The following RAD51B variants were observed in gnomAD, a reference collection of about 807,000 sequenced individuals.
The protein encoded by RAD51B is RAD51 paralog B.
RAD51B carries 38 observed loss-of-function variants against 42.2 expected under a neutral mutation model. The observed-to-expected ratio is 0.90, with a 90% CI of 0.70 to 1.18. The LOEUF (loss-of-function observed/expected upper bound fraction) is 1.18, where lower values mean the gene tolerates loss of function less well. Among genes scored for constraint, RAD51B ranks in the 50% most tolerant of loss-of-function variants. RAD51B has a pLI of 0.00. For missense variants in RAD51B, 373 were observed against 400.7 expected, an observed-to-expected ratio of 0.93 and a Z score of 0.59; for synonymous variants, 154 against 145.2, an observed-to-expected ratio of 1.06 and a Z score of -0.43.
At chr14:67,856,288 T>C (rs942954811) in intron 4 of RAD51B, among the ~76,000 whole-genome samples, 4 of 151,914 alleles carry the variant, frequency 2.6e-5, no homozygotes, top group African/African-American at 9.7e-5. Flanking sequence ...CACATGTTGG[T>C]GTAAAGTAAT....
At chr14:68,362,665 GGGT>G (rs1468067909) in intron 8 of RAD51B, among the ~76,000 whole-genome samples, 3 of 151,928 alleles carry the variant, frequency 2.0e-5, no homozygotes, top group Admixed American at 1.3e-4. Flanking sequence ...CTGGCTAACA[GGGT>G]GAAACCCCGT....
chr14:68,665,827 T>A (rs1893022158), intron 11 of RAD51B, among the ~76,000 whole-genome samples: 1 of 152,196 alleles, frequency 6.6e-6, no homozygotes, highest in South Asian at 2.1e-4. Flanking sequence ...TCCCACACCA[T>A]GCCCTGCTCT....
intron 8 of RAD51B, among the ~76,000 whole-genome samples, chr14:68,354,224 T>TG (rs1257955342): frequency 2.0e-5 from 3 of 146,918 alleles, no homozygotes; most frequent in African/African-American, 7.6e-5. Flanking sequence ...TGGTTTTTTT[T>TG]TTTTTTTTTT....
chr14:68,266,094 T>G (rs1262647731), intron 7 of RAD51B, among the ~76,000 whole-genome samples: 1 of 152,228 alleles, frequency 6.6e-6, no homozygotes, highest in Non-Finnish European at 1.5e-5. Context: ...GTTTGCACTG[T>G]TGGGGGTAGG....
chr14:68,619,595 G>C (rs1340038301), intron 10 of RAD51B, among the ~76,000 whole-genome samples: 1 of 152,182 alleles, frequency 6.6e-6, no homozygotes, highest in South Asian at 2.1e-4. Flanking sequence ...CCTCCCCCAG[G>C]CTGAAGCACA....
At chr14:67,964,283 G>A (rs979452708) in intron 7 of RAD51B, among the ~76,000 whole-genome samples, 4 of 152,098 alleles carry the variant, frequency 2.6e-5, no homozygotes, top group Non-Finnish European at 5.9e-5. Flanking sequence ...GGATTCTGGC[G>A]AGAAAGAAAG....
At chr14:68,666,439 T>G (rs1893033862) in intron 11 of RAD51B, among the ~76,000 whole-genome samples, 1 of 152,198 alleles carries the variant, frequency 6.6e-6, no homozygotes, top group African/African-American at 2.4e-5. Context: ...CAGCAATAGA[T>G]CTGTACTTTG....
At chr14:68,105,634 A>G (rs1310778572) in intron 7 of RAD51B, among the ~76,000 whole-genome samples, 1 of 152,008 alleles carries the variant, frequency 6.6e-6, no homozygotes, top group Non-Finnish European at 1.5e-5. Context: ...AGACTTTCAA[A>G]TTATTGTAAA....
downstream of RAD51B, among the ~76,000 whole-genome samples, chr14:68,599,878 G>A (rs903682779): frequency 2.0e-5 from 3 of 152,182 alleles, no homozygotes; most frequent in African/African-American, 7.2e-5. Context: ...AGGGGCTCCC[G>A]AAAGATTAGG....
At chr14:67,839,955 T>A in intron 4 of RAD51B, among the ~76,000 whole-genome samples, 1 of 152,202 alleles carries the variant, frequency 6.6e-6, no homozygotes, top group East Asian at 1.9e-4. Context: ...ATTACTTAAT[T>A]AAAAAAATTT....
At chr14:68,595,442 T>C (rs1890951447) in exon 11 of RAD51B, 1 of 1,066,608 alleles carries the variant, frequency 9.4e-7, no homozygotes, top group African/African-American at 1.6e-5. Context: ...CATCAGTGTT[T>C]CTGTGGAATT....
chr14:68,004,332 C>CAAAAAA (rs767211363), intron 7 of RAD51B, among the ~76,000 whole-genome samples: 1 of 57,486 alleles, frequency 1.7e-5, no homozygotes, highest in Non-Finnish European at 4.2e-5. Flanking sequence ...GACTCCGTCT[C>CAAAAAA]AAAAAAAAAA....
chr14:67,985,619 A>T (rs189203495), intron 7 of RAD51B, among the ~76,000 whole-genome samples: 13 of 152,236 alleles, frequency 8.5e-5, no homozygotes, highest in South Asian at 2.1e-4. Flanking sequence ...TTTGAAAAGT[A>T]AAGGCCCAAC....
At chr14:68,142,828 G>T (rs888658875) in intron 7 of RAD51B, among the ~76,000 whole-genome samples, 1 of 151,978 alleles carries the variant, frequency 6.6e-6, no homozygotes, top group African/African-American at 2.4e-5. Flanking sequence ...CACACATTTT[G>T]GATAATTACT....
intron 8 of RAD51B, chr14:68,338,993 C>T: frequency 1.5e-6 from 1 of 656,804 alleles, no homozygotes; most frequent in Non-Finnish European, 2.8e-6. Context: ...AGTAAGGGAC[C>T]CCCTTTTTAC....
intron 10 of RAD51B, chr14:68,540,889 T>A: frequency 1.0e-6 from 1 of 985,382 alleles, no homozygotes; most frequent in Non-Finnish European, 1.2e-6. Context: ...AAGGTTGAGT[T>A]GAAGAGTAGG....
At chr14:68,479,560 T>C (rs1022619759), downstream of RAD51B, among the ~76,000 whole-genome samples, 13 of 152,180 alleles carry the variant, frequency 8.5e-5, no homozygotes, top group Non-Finnish European at 1.6e-4. Context: ...GATCATACTC[T>C]TTAGTCCTCC....
chr14:67,854,447 A>G (rs1377331500), intron 4 of RAD51B, among the ~76,000 whole-genome samples: 1 of 152,022 alleles, frequency 6.6e-6, no homozygotes, highest in East Asian at 1.9e-4. Flanking sequence ...CAGCCTGCCC[A>G]ACATGGTAAA....
intron 7 of RAD51B, among the ~76,000 whole-genome samples, chr14:67,909,250 T>C (rs2043884673): frequency 1.3e-5 from 2 of 152,112 alleles, no homozygotes; most frequent in Non-Finnish European, 2.9e-5. Context: ...ACTAACACTC[T>C]AGATGTGAGG....
Sources: gnomAD v4.1 joint callset for allele counts (sites outside exome capture counted in the v4.1 genomes callset) on GRCh38, gnomAD v4.1.1 for gene constraint, MANE v1.5 for transcripts, NCBI Gene and HGNC (gene_info 2026-07-23, HGNC 2026-07-21) for gene names.